Variants in SLCO5A1 observed in about 807,000 individuals in gnomAD.
SLCO5A1 encodes solute carrier organic anion transporter family member 5A1, also known as organic anion transporter polypeptide-related protein 4.
Under a neutral mutation model 65.1 loss-of-function variants are expected in SLCO5A1, and 39 were observed. The observed-to-expected ratio is 0.60, with a 90% CI of 0.46 to 0.78. The LOEUF (loss-of-function observed/expected upper bound fraction) is 0.78, where lower values mean the gene tolerates loss of function less well. Ranked by LOEUF, SLCO5A1 falls within the 30% of genes least tolerant of loss-of-function variation. The pLI, the probability that SLCO5A1 is intolerant of heterozygous loss-of-function variation, is 0.00. For missense variants in SLCO5A1, 1,029 were observed against 1,069.4 expected (o/e 0.96, Z 0.53); for synonymous variants, 438 against 415.7 (o/e 1.05, Z -0.65).
intron 2 of SLCO5A1, among the ~76,000 whole-genome samples, chr8:69,777,236 G>T (rs964906657): frequency 2.3e-4 from 35 of 152,152 alleles, no homozygotes; most frequent in African/African-American, 7.7e-4. Flanking sequence ...ATGAACTATT[G>T]ATACTTGCTG....
At chr8:69,825,483 T>C (rs1820839072) in intron 2 of SLCO5A1, among the ~76,000 whole-genome samples, 1 of 152,000 alleles carries the variant, frequency 6.6e-6, no homozygotes, top group Non-Finnish European at 1.5e-5. Context: ...TATACACCAA[T>C]AACAGACAAA....
At chr8:69,735,715 G>A (rs184629434) in intron 5 of SLCO5A1, among the ~76,000 whole-genome samples, 1 of 148,902 alleles carries the variant, frequency 6.7e-6, no homozygotes, top group Non-Finnish European at 1.5e-5. Flanking sequence ...GCTAATGCAT[G>A]TGGGGCTTAA....
intron 6 of SLCO5A1, among the ~76,000 whole-genome samples, chr8:69,693,708 T>C (rs1347964077): frequency 6.6e-6 from 1 of 152,244 alleles, no homozygotes; most frequent in Non-Finnish European, 1.5e-5. Context: ...TATTTATCAA[T>C]TGCTTACAAT....
rs375997212 is a variant in SLCO5A1, at chr8:69,780,853, G to GA, written c.908-18979dup. On this transcript the variant is annotated intron_variant, in intron 2 of 9. Transcript: ENST00000260126. ...AAGAAGCATACAGGGCTCTGCTACTGAAAAAAAAAAATCACATCAGAGCGG... is the reference window on the plus strand; with the variant it reads ...AAGAAGCATACAGGGCTCTGCTACTGAAAAAAAAAAAATCACATCAGAGCGG... 8.0e-3 allele frequency among the ~76,000 whole-genome samples: 1,170 copies of GA among 146,512 alleles called. 12 individuals are homozygous for GA. The highest frequency in any genetic ancestry group is 8.5e-3 in the Non-Finnish European group (566 of 66,302).
intron 2 of SLCO5A1, among the ~76,000 whole-genome samples, chr8:69,791,953 CA>C (rs1819289029): frequency 6.6e-6 from 1 of 152,168 alleles, no homozygotes. Flanking sequence ...AGATCCAAGT[CA>C]AAATTCTGTC....
chr8:69,741,956 G>A (rs1051793095), intron 4 of SLCO5A1, among the ~76,000 whole-genome samples: 1 of 152,180 alleles, frequency 6.6e-6, no homozygotes, highest in African/African-American at 2.4e-5. Flanking sequence ...GCATTATTGG[G>A]ATAATCAGCA....
At chr8:69,768,415 C>T (rs1043259045) in intron 2 of SLCO5A1, among the ~76,000 whole-genome samples, 4 of 152,294 alleles carry the variant, frequency 2.6e-5, no homozygotes, top group Admixed American at 2.6e-4. Flanking sequence ...ATCACTTGCC[C>T]ATAGTCACAG....
chr8:69,708,677 G>A (rs1245272421), intron 5 of SLCO5A1, among the ~76,000 whole-genome samples: 2 of 152,100 alleles, frequency 1.3e-5, no homozygotes, highest in Non-Finnish European at 2.9e-5. Context: ...GCCGAGGCGG[G>A]CAGATCATTT....
chr8:69,747,510 A>G (rs917711552), intron 4 of SLCO5A1, among the ~76,000 whole-genome samples: 4 of 152,186 alleles, frequency 2.6e-5, no homozygotes, highest in African/African-American at 9.7e-5. Context: ...TATAACAACT[A>G]TTTACATAGC....
chr8:69,750,375 C>T (rs1817239880), intron 4 of SLCO5A1, among the ~76,000 whole-genome samples: 1 of 152,214 alleles, frequency 6.6e-6, no homozygotes, highest in East Asian at 1.9e-4. Flanking sequence ...ATCTGCTCCT[C>T]CTCCTCCCTA....
rs1313384428 is a variant in SLCO5A1 at position 69,670,606 on chromosome 8, G to T, written c.*2263C>A. The stretch of plus-strand genomic sequence containing the variant: ...CCCAATCATCCCAAAGGATTTTATG[G>T]AGTGGCAGATGGTAATCAGGTAATA... On this transcript the variant is annotated 3_prime_UTR_variant, in exon 10 of 10. Transcript: ENST00000260126. 3 of 152,148 alleles carry T rather than the reference G, an allele frequency of 2.0e-5. No homozygotes were observed. The East Asian group carries it at 5.8e-4, about 29-fold the overall frequency. The allele number at this position is 152,148 out of a possible 1,614,324, so 9.4% of individuals were successfully genotyped here.
At chr8:69,730,691 G>C (rs184869132) in intron 5 of SLCO5A1, among the ~76,000 whole-genome samples, 63 of 152,250 alleles carry the variant, frequency 4.1e-4, no homozygotes, top group Non-Finnish European at 7.6e-4. Context: ...AAGTGGTTGA[G>C]GATGGTTTGT....
chr8:69,759,793 G>A lies in SLCO5A1; in HGVS notation c.1040+1950C>T, dbSNP rs550654230. On this transcript the variant is annotated intron_variant, in intron 3 of 9. Coordinates refer to ENST00000260126, the MANE Select transcript of SLCO5A1 (RefSeq NM_030958.3). The stretch of plus-strand genomic sequence containing the variant: ...CTCAAGTAGCTGGGACTACAGGCAT[G>A]CGCCACCACACTCGGCTAATTTTTT... Among the ~76,000 whole-genome samples the A allele has an allele frequency of 3.3e-5, 5 of 152,272 alleles. No homozygotes were observed. The South Asian group carries it at 1.0e-3, about 32-fold the overall frequency.
chr8:69,768,696 A>G (rs190539364), intron 2 of SLCO5A1, among the ~76,000 whole-genome samples: 48 of 152,220 alleles, frequency 3.2e-4, no homozygotes, highest in African/African-American at 1.2e-3. Context: ...TAAGGACCTC[A>G]TAGATTAGGG....
In SLCO5A1 at chr8:69,668,730, G is replaced by A. The variant is rs1813250875; in HGVS notation, c.*4139C>T. 6.6e-6 allele frequency: 1 copy of A among 152,136 alleles called. No homozygotes were observed. The highest frequency in any genetic ancestry group is 2.4e-5 in the African/African-American group (1 of 41,432). The allele number at this position is 152,136 out of a possible 1,614,324, so 9.4% of individuals were successfully genotyped here. ...CAAGCTGGAATTGTGGACTGAAGAA[G>A]AATTTTCTTGGTGGTTGGTGAACAT... On this transcript the variant is annotated 3_prime_UTR_variant, in exon 10 of 10. Coordinates refer to ENST00000260126, the MANE Select transcript of SLCO5A1 (RefSeq NM_030958.3).
chr8:69,770,756 C>G (rs937456394), intron 2 of SLCO5A1, among the ~76,000 whole-genome samples: 1 of 152,144 alleles, frequency 6.6e-6, no homozygotes, highest in African/African-American at 2.4e-5. Flanking sequence ...CCTCACTGCC[C>G]CCGCCAGTGT....
At chr8:69,681,349 T>A (rs144203738) in intron 7 of SLCO5A1, among the ~76,000 whole-genome samples, 135 of 152,276 alleles carry the variant, frequency 8.9e-4, no homozygotes, top group African/African-American at 3.2e-3. Context: ...ATCCCAGCAC[T>A]TTGGAAGGCC....
intron 5 of SLCO5A1, among the ~76,000 whole-genome samples, chr8:69,736,293 C>T (rs1218963139): frequency 2.0e-5 from 3 of 152,170 alleles, no homozygotes; most frequent in Admixed American, 1.3e-4. Context: ...ATTCTGTAGC[C>T]GACACCCCAG....
Position 69,832,834 on chromosome 8 carries a change from A to T in SLCO5A1, c.-161T>A. 1.3e-6 allele frequency: 1 copy of T among 775,950 alleles called. No individual in the cohort carries two copies. The highest frequency in any genetic ancestry group is 1.8e-5 in the South Asian group (1 of 54,860). 48.1% of individuals were successfully genotyped at this position (775,950 alleles called of 1,614,324 possible). A position where few individuals can be genotyped will look rare whatever the true frequency, so the allele number is the denominator to read the frequency against. Reference sequence around the variant, plus strand: ...CAGCAGGGCATCCTCACCAGCTGCGAGGCGCCCAGTGCATCCTGATCACAG... The same window carrying T: ...CAGCAGGGCATCCTCACCAGCTGCGTGGCGCCCAGTGCATCCTGATCACAG... On this transcript the variant is annotated 5_prime_UTR_variant, in exon 2 of 10. Coordinates refer to ENST00000260126, the MANE Select transcript of SLCO5A1 (RefSeq NM_030958.3). This position sits in a 1 kb window ranked among gnomAD's most constrained non-coding sequence, Gnocchi z 4.5.
Sources: allele counts gnomAD v4.1 joint callset (sites outside exome capture counted in the v4.1 genomes callset), GRCh38; gene constraint gnomAD v4.1.1; non-coding constraint Gnocchi (gnomAD v3.1); transcripts MANE v1.5; gene names NCBI Gene and HGNC (gene_info 2026-07-23, HGNC 2026-07-21).